Variants in NOL9 observed in about 807,000 individuals in gnomAD.
NOL9 encodes the protein polynucleotide 5'-hydroxyl-kinase NOL9.
A neutral mutation model predicts 67.9 loss-of-function variants in NOL9; 28 were observed. The observed-to-expected ratio is 0.41, with a 90% confidence interval of 0.31 to 0.57. The LOEUF is 0.57. NOL9 is among the 20% of genes least tolerant of loss of function. The pLI, the probability that NOL9 is intolerant of heterozygous loss-of-function variation, is 0.25. For missense variants in NOL9, 777 were observed against 897.0 expected (o/e 0.87, Z 1.71); for synonymous variants, 356 against 352.2 (o/e 1.01, Z -0.12).
intron 10 of NOL9, among the ~76,000 whole-genome samples, chr1:6,527,932 G>GA (rs1046728314): frequency 1.6e-3 from 236 of 148,992 alleles, no homozygotes; most frequent in East Asian, 5.3e-3. Flanking sequence ...CTCCGTCTCG[G>GA]AAAAAAAAAC....
At chr1:6,531,219 TTTTTTTTC>T (rs1343811972) in intron 9 of NOL9, among the ~76,000 whole-genome samples, 8 of 151,940 alleles carry the variant, frequency 5.3e-5, no homozygotes, top group African/African-American at 1.7e-4. Context: ...AGTACTTCTT[TTTTTTTTC>T]TTTTAAGTCG....
In NOL9 at chr1:6,529,008, T is replaced by A; in HGVS notation, c.1811A>T (p.Asp604Val). The A allele has an allele frequency of 1.2e-6, 2 of 1,614,052 alleles. No homozygotes were observed. The highest frequency in any genetic ancestry group is 1.7e-6 in the Non-Finnish European group (2 of 1,180,018). The change falls in exon 10 of 12, where the codon GAC becomes GTC. Residue 604 changes from aspartate to valine, a missense_variant. By Grantham distance (152) the Asp-to-Val change is radical (BLOSUM62 -3). Transcript: ENST00000377705. The part of the protein sequence containing the change: ...PILLAQTPIC[D>V]CLGFGICRGI... ...CTCAGACTCACCAAAGCCCAAGCAG[T>A]CACAGATTGGAGTCTGGGCAAGCAG...
Position 6,524,262 on chromosome 1 carries a change from T to C in NOL9, c.*1592A>G, listed in dbSNP as rs1328421991. On this transcript the variant is annotated 3_prime_UTR_variant, in exon 12 of 12. Transcript: ENST00000377705. ...GATAACCAACAGTTGTATAAGTGTA[T>C]ATAAGTGTTAAAACCCACACATCCT... 1 of 149,214 alleles carries C rather than the reference T, an allele frequency of 6.7e-6. No homozygotes were observed. The highest frequency in any genetic ancestry group is 1.5e-5 in the Non-Finnish European group (1 of 68,044). The allele number at this position is 149,214 out of a possible 1,614,324, so 9.2% of individuals were successfully genotyped here.
intron 6 of NOL9, among the ~76,000 whole-genome samples, chr1:6,535,370 A>G (rs1172607245): frequency 2.0e-5 from 3 of 152,060 alleles, no homozygotes; most frequent in Non-Finnish European, 4.4e-5. Flanking sequence ...GTGAAAGATG[A>G]CCCCAGAACT....
chr1:6,532,492 G>A lies in NOL9; in HGVS notation c.1506C>T (p.Asp502=). The change falls in exon 8 of 12, where the codon GAC becomes GAT. Residue 502 remains aspartate (D), a synonymous_variant. Coordinates refer to ENST00000377705, the MANE Select transcript of NOL9 (RefSeq NM_024654.5). ...TGHKLIGVYT[D]FAFRITPRNR... is the part of the protein sequence containing the mutation. ...TTCTTGGAGTTATTCTGAATGCAAA[G>A]TCTGTATAAACACCTATCAGTTTAT... 1 of 1,612,402 alleles carries A rather than the reference G, an allele frequency of 6.2e-7. No homozygotes were observed. The highest frequency in any genetic ancestry group is 8.5e-7 in the Non-Finnish European group (1 of 1,178,594).
chr1:6,554,311 C>G lies in NOL9; in HGVS notation c.192G>C (p.Glu64Asp). 1 of 1,480,818 alleles carries G rather than the reference C, an allele frequency of 6.8e-7. No individual in the cohort carries two copies. Among genetic ancestry groups the G allele is most frequent in the Non-Finnish European group, 8.9e-7 (1 of 1,118,798 alleles). 91.7% of individuals were successfully genotyped at this position (1,480,818 alleles called of 1,614,324 possible). A position where few individuals can be genotyped will look rare whatever the true frequency, so the allele number is the denominator to read the frequency against. Reference sequence around the variant, plus strand: ...CCGCGCGCGACACCTGGCGGGCTCCCTCCCTCCAGTCCACGCCGGACGCCT... The same window carrying G: ...CCGCGCGCGACACCTGGCGGGCTCCGTCCCTCCAGTCCACGCCGGACGCCT... ...QAQASGVDWR[E>D]GARQVSRAAA... is the part of the protein sequence containing the mutation. The change falls in exon 1 of 12, where the codon GAG becomes GAC. Residue 64 changes from glutamate (E) to aspartate (D), a missense_variant. Glu to Asp is a conservative substitution (Grantham distance 45). Around this residue, in one of 2 missense-constraint regions of NOL9, gnomAD observed 364 missense variants for 344.4 expected, o/e 1.06. Coordinates refer to ENST00000377705, the MANE Select transcript of NOL9 (RefSeq NM_024654.5).
intron 6 of NOL9, among the ~76,000 whole-genome samples, chr1:6,541,558 G>A (rs1639292661): frequency 6.7e-6 from 1 of 149,170 alleles, no homozygotes; most frequent in Admixed American, 6.6e-5. Flanking sequence ...AGGGAAACAT[G>A]TGTTTCTAAT....
chr1:6,528,511 G>A (rs1367293798), intron 10 of NOL9, among the ~76,000 whole-genome samples: 9 of 152,236 alleles, frequency 5.9e-5, no homozygotes, highest in Non-Finnish European at 1.0e-4. Context: ...CTGGATGTCA[G>A]AGTGAATCTT....
chr1:6,532,601 T>G lies in NOL9; in HGVS notation c.1397A>C (p.Asn466Thr), dbSNP rs1639055227. The change falls in exon 8 of 12, where the codon AAT becomes ACT. Residue 466 changes from asparagine to threonine, a missense_variant. Coordinates refer to ENST00000377705, the MANE Select transcript of NOL9 (RefSeq NM_024654.5). Reference protein sequence around the residue: ...LYTKSKTKMRNRRFRLAAFAD... With the variant: ...LYTKSKTKMRTRRFRLAAFAD... ...AAATGCTGCGAGTCTGAAACGTCGA[T>G]TTCTCATCTTGGTCTTGCTTTTTGT... 2 of 1,614,086 alleles carry G rather than the reference T, an allele frequency of 1.2e-6. No homozygotes were observed. The highest frequency in any genetic ancestry group is 1.3e-5 in the African/African-American group (1 of 74,922).
At chr1:6,548,526 G>A (rs147493195) in intron 3 of NOL9, 9 of 295,012 alleles carry the variant, frequency 3.1e-5, no homozygotes, top group African/African-American at 6.6e-5. Flanking sequence ...CGTGCTAAAC[G>A]TGTTCAGGAC....
chr1:6,546,835 T>C (rs1206227894), intron 3 of NOL9, among the ~76,000 whole-genome samples: 2 of 152,356 alleles, frequency 1.3e-5, no homozygotes, highest in East Asian at 1.9e-4. Flanking sequence ...TTCTTCCCTT[T>C]ACAGCTAACT....
intron 11 of NOL9, 78 bp downstream of exon 11, chr1:6,526,618 C>T: frequency 2.1e-6 from 3 of 1,437,348 alleles, no homozygotes; most frequent in Middle Eastern, 2.3e-4. Context: ...TTCCCATGAC[C>T]CCTGACCCTA....
At chr1:6,553,948 C>G (rs1045722022) in intron 1 of NOL9, among the ~76,000 whole-genome samples, 159 bp downstream of exon 1, 1 of 152,206 alleles carries the variant, frequency 6.6e-6, no homozygotes, top group Non-Finnish European at 1.5e-5. Flanking sequence ...TCAGGGGAGC[C>G]TAGTTGCCAC....
intron 5 of NOL9, among the ~76,000 whole-genome samples, chr1:6,544,535 A>ACG (rs1480149598): frequency 9.4e-4 from 19 of 20,172 alleles, no homozygotes; most frequent in Middle Eastern, 0.018. Flanking sequence ...ACACGCACGC[A>ACG]CACACGCACC....
chr1:6,531,961 A>C lies in NOL9; in HGVS notation c.1647+7T>G. The C allele has an allele frequency of 6.2e-7, 1 of 1,607,566 alleles. No individual in the cohort carries two copies. Among genetic ancestry groups the C allele is most frequent in the South Asian group, 1.1e-5 (1 of 90,912 alleles). On this transcript the variant is annotated splice_region_variant and intron_variant, in intron 9 of 11. Coordinates refer to ENST00000377705, the MANE Select transcript of NOL9 (RefSeq NM_024654.5). ...TGAAGACAATTTCTCCTGTAAGTTC[A>C]GATTACCTGATAGGGTGTCAGGCTA...
chr1:6,538,601 A>G (rs2148656027), intron 6 of NOL9, among the ~76,000 whole-genome samples: 1 of 151,474 alleles, frequency 6.6e-6, no homozygotes. Flanking sequence ...GAACCCAGGA[A>G]GCGGAGGTTG....
rs889765724 is a variant in NOL9 at position 6,532,305 on chromosome 1, A to G, written c.1535+158T>C. 1.4e-5 allele frequency: 11 copies of G among 775,918 alleles called. No individual in the cohort carries two copies. The South Asian group carries it at 1.7e-4, about 12-fold the overall frequency. The allele number at this position is 775,918 out of a possible 1,614,324, so 48.1% of individuals were successfully genotyped here. On this transcript the variant is annotated intron_variant, in intron 8 of 11. Transcript: ENST00000377705. ...ACTTCTGGATATTTCCACTGGGAACATAACAGTTCAGAAAACAACTGGTTC... is the reference window on the plus strand; with the variant it reads ...ACTTCTGGATATTTCCACTGGGAACGTAACAGTTCAGAAAACAACTGGTTC...
At chr1:6,533,720 G>C (rs1427498919) in intron 6 of NOL9, among the ~76,000 whole-genome samples, 1 of 152,158 alleles carries the variant, frequency 6.6e-6, no homozygotes, top group East Asian at 1.9e-4. Context: ...TAACTGCTGG[G>C]CTTGTTCCAG....
In NOL9 at chr1:6,537,556, G is replaced by A. The variant is rs567464073; in HGVS notation, c.1076-4115C>T. 2.6e-5 allele frequency among the ~76,000 whole-genome samples: 4 copies of A among 152,170 alleles called. No individual in the cohort carries two copies. The East Asian group carries it at 7.7e-4, about 29-fold the overall frequency. Reference sequence around the variant, plus strand: ...AACAAATAACCCAACTGAAAAATGGGTAAGGCACTTGTACTGACTTCAAAA... The same window carrying A: ...AACAAATAACCCAACTGAAAAATGGATAAGGCACTTGTACTGACTTCAAAA... On this transcript the variant is annotated intron_variant, in intron 6 of 11. Coordinates refer to ENST00000377705, the MANE Select transcript of NOL9 (RefSeq NM_024654.5).
Sources: allele counts gnomAD v4.1 joint callset (sites outside exome capture counted in the v4.1 genomes callset), GRCh38; gene constraint gnomAD v4.1.1; regional missense constraint gnomAD v4.1.1; transcripts MANE v1.5; gene names NCBI Gene and HGNC (gene_info 2026-07-23, HGNC 2026-07-21).